Variants in CIBAR2 observed in about 807,000 individuals in gnomAD.
The protein encoded by CIBAR2 is CBY1 interacting BAR domain containing 2, also known as CBY1-interacting BAR domain-containing protein 2.
Under a neutral mutation model 36.2 loss-of-function variants are expected in CIBAR2, and 38 were observed. That is an observed-to-expected ratio of 1.05 (90% CI 0.81 to 1.38). The LOEUF is 1.38. Ranked by LOEUF, CIBAR2 falls within the 40% of genes most tolerant of loss-of-function variation. The pLI is 0.00. For missense variants in CIBAR2, 481 were observed against 383.4 expected, an observed-to-expected ratio of 1.25 and a Z score of -2.13; for synonymous variants, 182 against 149.5, an observed-to-expected ratio of 1.22 and a Z score of -1.58.
At chr16:85,100,675 C>A (rs1260948439) in intron 7 of CIBAR2, among the ~76,000 whole-genome samples, 3 of 152,192 alleles carry the variant, frequency 2.0e-5, no homozygotes, top group African/African-American at 7.2e-5. Flanking sequence ...CCCTTGAATA[C>A]AGGCAGCCTC....
Position 85,099,327 on chromosome 16 carries a change from A to G in CIBAR2, c.773T>C (p.Leu258Pro), listed in dbSNP as rs1167526749. 6.3e-7 allele frequency: 1 copy of G among 1,582,932 alleles called. No individual in the cohort carries two copies. Among genetic ancestry groups the G allele is most frequent in the Non-Finnish European group, 8.7e-7 (1 of 1,151,612 alleles). ...LASQGTLQVQ[L>P]SRANEDPEHP... is the part of the protein sequence containing the mutation. Reference sequence around the variant, plus strand: ...TTCAGGGTCTTCATTTGCCCTACTCAGCTGGACCTGCAGAGTTCCCTGCAG... The same window carrying G: ...TTCAGGGTCTTCATTTGCCCTACTCGGCTGGACCTGCAGAGTTCCCTGCAG... The change falls in exon 9 of 9, where the codon CTG becomes CCG. Residue 258 changes from leucine (L) to proline (P), a missense_variant. Transcript: ENST00000539556.
At chr16:85,103,937 C>T (rs555498203) in intron 6 of CIBAR2, among the ~76,000 whole-genome samples, 2 of 152,350 alleles carry the variant, frequency 1.3e-5, no homozygotes, top group South Asian at 4.1e-4. Flanking sequence ...TCTCCTCCCG[C>T]CCCAACGGTG....
intron 1 of CIBAR2, among the ~76,000 whole-genome samples, chr16:85,111,036 G>GC (rs1402196409): frequency 2.0e-5 from 3 of 151,886 alleles, no homozygotes; most frequent in South Asian, 2.1e-4. Flanking sequence ...CCAATCCGGC[G>GC]CCCCCCTGCA....
At chr16:85,109,176 C>T (rs544559160) in intron 2 of CIBAR2, among the ~76,000 whole-genome samples, 100 of 152,094 alleles carry the variant, frequency 6.6e-4, no homozygotes, top group Admixed American at 1.7e-3. Flanking sequence ...TTTGGGTGGC[C>T]GAGGTGGGAG....
Position 85,100,256 on chromosome 16 carries a change from C to T in CIBAR2, c.652-16G>A. The T allele has an allele frequency of 1.9e-6, 3 of 1,577,374 alleles. No homozygotes were observed. Among genetic ancestry groups the T allele is most frequent in the Non-Finnish European group, 2.6e-6 (3 of 1,154,680 alleles). On this transcript the variant is annotated splice_polypyrimidine_tract_variant and intron_variant, in intron 7 of 8. Coordinates refer to ENST00000539556, the MANE Select transcript of CIBAR2 (RefSeq NM_198491.3). ...CTCTAAAATCCTGCCGGGGAGAGACCAGGGTGGGTGGGATCCGATGGGAAA... is the reference window on the plus strand; with the variant it reads ...CTCTAAAATCCTGCCGGGGAGAGACTAGGGTGGGTGGGATCCGATGGGAAA...
At chr16:85,109,542 G>C (rs1291852321) in intron 2 of CIBAR2, among the ~76,000 whole-genome samples, 3 of 152,136 alleles carry the variant, frequency 2.0e-5, no homozygotes, top group African/African-American at 4.8e-5. Context: ...GGTATTTTTT[G>C]AGATAAAGTC....
intron 1 of CIBAR2, among the ~76,000 whole-genome samples, chr16:85,110,673 A>G (rs1410469995): frequency 2.7e-5 from 4 of 149,634 alleles, no homozygotes; most frequent in African/African-American, 9.9e-5. Flanking sequence ...GTGGGCAGGA[A>G]TATAAATGCG....
chr16:85,104,546 T>A (rs1318095899), intron 6 of CIBAR2, among the ~76,000 whole-genome samples: 1 of 151,964 alleles, frequency 6.6e-6, no homozygotes, highest in Non-Finnish European at 1.5e-5. Flanking sequence ...CCTCCCCCCA[T>A]CTCTACTAAA....
chr16:85,107,639 C>G, intron 5 of CIBAR2, 28 bp downstream of exon 5: 1 of 1,613,368 alleles, frequency 6.2e-7, no homozygotes, highest in Non-Finnish European at 8.5e-7. Flanking sequence ...GTGATTCTGC[C>G]TGCCCCAGAC....
Position 85,099,347 on chromosome 16 carries a change from C to G in CIBAR2, c.754-1G>C. 1 of 1,514,308 alleles carries G rather than the reference C, an allele frequency of 6.6e-7. No individual in the cohort carries two copies. Among genetic ancestry groups the G allele is most frequent in the Middle Eastern group, 1.7e-4 (1 of 5,894 alleles). 93.8% of individuals were successfully genotyped at this position (1,514,308 alleles called of 1,614,324 possible). A position where few individuals can be genotyped will look rare whatever the true frequency, so the allele number is the denominator to read the frequency against. On this transcript the variant is annotated splice_acceptor_variant, in intron 8 of 8. Transcript: ENST00000539556. LOFTEE classifies it high-confidence loss of function. ...TACTCAGCTGGACCTGCAGAGTTCC[C>G]TGCAGAAATATAAATGCACCTGATG...
At chr16:85,112,255 C>G in intron 1 of CIBAR2, 78 bp downstream of exon 1, 13 of 1,375,516 alleles carry the variant, frequency 9.5e-6, no homozygotes, top group Non-Finnish European at 1.3e-5. Context: ...CCCTGCTGCC[C>G]TCATCTTTGT....
chr16:85,100,490 A>C (rs2073947024), intron 7 of CIBAR2, among the ~76,000 whole-genome samples: 1 of 152,228 alleles, frequency 6.6e-6, no homozygotes, highest in Admixed American at 6.5e-5. Flanking sequence ...CCATCGTCAC[A>C]CAGGATAACA....
At chr16:85,109,736 C>T (rs2074025645) in intron 2 of CIBAR2, among the ~76,000 whole-genome samples, 3 of 152,200 alleles carry the variant, frequency 2.0e-5, no homozygotes, top group South Asian at 2.1e-4. Flanking sequence ...TGGGCTCAGA[C>T]AGTCTGTCCA....
At chr16:85,099,921 G>T (rs955840533) in intron 8 of CIBAR2, among the ~76,000 whole-genome samples, 3 of 150,340 alleles carry the variant, frequency 2.0e-5, no homozygotes, top group African/African-American at 7.4e-5. Context: ...GGGATTATAG[G>T]CATGAGCCAC....
At chr16:85,100,316 C>A in intron 7 of CIBAR2, 76 bp from the exon 8 acceptor site, 2 of 893,800 alleles carry the variant, frequency 2.2e-6, no homozygotes, top group Non-Finnish European at 3.6e-6. Flanking sequence ...GATGGAAAGA[C>A]GGTGGGGACG....
intron 6 of CIBAR2, among the ~76,000 whole-genome samples, chr16:85,103,320 A>G (rs3764280): frequency 0.095 from 14,493 of 152,196 alleles, 704 homozygotes; most frequent in South Asian, 0.15. Context: ...CCAGCCTCCA[A>G]CACCGTGAGA....
intron 5 of CIBAR2, 103 bp downstream of exon 5, chr16:85,107,564 A>C: frequency 7.7e-7 from 1 of 1,299,136 alleles, no homozygotes; most frequent in Non-Finnish European, 1.1e-6. Context: ...AAGGTCCTGC[A>C]CACACCTGCT....
intron 1 of CIBAR2, 121 bp downstream of exon 1, chr16:85,112,212 C>A: frequency 2.5e-6 from 2 of 799,556 alleles, no homozygotes; most frequent in Non-Finnish European, 4.2e-6. Context: ...GGGAGAGCTC[C>A]CCTCACCCCC....
rs2073961247 is a variant in CIBAR2, at chr16:85,102,247, G to T, written c.618C>A (p.Thr206=). The T allele has an allele frequency of 1.9e-6, 3 of 1,611,304 alleles. No individual in the cohort carries two copies. The highest frequency in any genetic ancestry group is 1.3e-5 in the African/African-American group (1 of 74,948). ...CCCTCTCCAGGTCATACTTCTCCAGGGTCTGGAAGGCGCTAGAATACACCT... is the reference window on the plus strand; with the variant it reads ...CCCTCTCCAGGTCATACTTCTCCAGTGTCTGGAAGGCGCTAGAATACACCT... ...AVEVYSSAFQ[T]LEKYDLERDL... The change falls in exon 7 of 9, where the codon ACC becomes ACA. Residue 206 remains threonine, a synonymous_variant. Transcript: ENST00000539556.
Sources: gnomAD v4.1 joint callset for allele counts (sites outside exome capture counted in the v4.1 genomes callset) on GRCh38, gnomAD v4.1.1 for gene constraint, MANE v1.5 for transcripts, NCBI Gene and HGNC (gene_info 2026-07-23, HGNC 2026-07-21) for gene names.